AGAP1: variants seen among roughly 807,000 people sequenced by gnomAD.
AGAP1 encodes the protein ArfGAP with GTPase domain, ankyrin repeat and PH domain 1.
A neutral mutation model predicts 105.3 loss-of-function variants in AGAP1; 29 were observed. The ratio of observed to expected loss-of-function variants is 0.28; its 90% CI spans 0.21 to 0.38. The LOEUF (loss-of-function observed/expected upper bound fraction) is 0.38, where lower values mean the gene tolerates loss of function less well. AGAP1 is among the 10% of genes least tolerant of loss of function. The pLI is 1.00. For synonymous variants in AGAP1, 509 were observed against 485.9 expected (o/e 1.05, Z -0.63); for missense variants, 998 against 1,165.1 (o/e 0.86, Z 2.09).
chr2:236,115,320 G>A (rs897021798), intron 16 of AGAP1, among the ~76,000 whole-genome samples: 2 of 150,038 alleles, frequency 1.3e-5, no homozygotes, highest in Admixed American at 6.6e-5. Flanking sequence ...TTGTGTAGAT[G>A]TCACTGTCCT....
At position 235,596,527 on chromosome 2, in the gene AGAP1, G is replaced by A. The variant is rs554568562; in HGVS notation, c.163+101678G>A. 1.3e-5 allele frequency among the ~76,000 whole-genome samples: 2 copies of A among 152,306 alleles called. No individual in the cohort carries two copies. The highest frequency in any genetic ancestry group is 2.1e-4 in the South Asian group (1 of 4,824). ...TCTGGTGAGCCACAGGTAGCACCCC[G>A]GCTGCTGGTCCCTGGTCTGGGGAAA... On this transcript the variant is annotated intron_variant, in intron 1 of 17. Coordinates refer to ENST00000304032, the MANE Select transcript of AGAP1 (RefSeq NM_001037131.3). The surrounding 1 kb of genome is among the most constrained non-coding windows in gnomAD (Gnocchi z 5.9).
chr2:235,849,595 C>T (rs776675618), intron 9 of AGAP1, among the ~76,000 whole-genome samples: 174 of 152,302 alleles, frequency 1.1e-3, no homozygotes, highest in Non-Finnish European at 1.5e-3. Flanking sequence ...TATGCCTGTA[C>T]GCTCAGAGCT....
At chr2:235,630,376 A>G (rs1216503401) in intron 1 of AGAP1, among the ~76,000 whole-genome samples, 1 of 151,902 alleles carries the variant, frequency 6.6e-6, no homozygotes, top group Non-Finnish European at 1.5e-5. Flanking sequence ...AAGCCCAGCT[A>G]ATTTTTGTAT....
chr2:235,598,044 G>T (rs1353067417), intron 1 of AGAP1, among the ~76,000 whole-genome samples: 2 of 116,532 alleles, frequency 1.7e-5, no homozygotes, highest in East Asian at 2.7e-4. Context: ...GCGTGCACGC[G>T]CTCCCGTGTT....
In AGAP1 at chr2:235,970,112, G is replaced by T. The variant is rs1303867597; in HGVS notation, c.1645+1489G>T. 6.6e-6 allele frequency among the ~76,000 whole-genome samples: 1 copy of T among 151,056 alleles called. No individual in the cohort carries two copies. ...AGCTACCTGAGAGGCTGAGGCAGGA[G>T]CATTGATTGAACCCAGGAGGTGGAG... On this transcript the variant is annotated intron_variant, in intron 13 of 17. Transcript: ENST00000304032. The surrounding 1 kb of genome is among the most constrained non-coding windows in gnomAD (Gnocchi z 5.4).
At position 236,050,245 on chromosome 2, in the gene AGAP1, G is replaced by T. The variant is rs1215611064; in HGVS notation, c.2114+964G>T. 3.9e-5 allele frequency among the ~76,000 whole-genome samples: 6 copies of T among 152,244 alleles called. No homozygotes were observed. Among genetic ancestry groups the T allele is most frequent in the Admixed American group, 3.3e-4 (5 of 15,284 alleles). ...CTGCAGAGCAGTAAGAACGTGAGAAGCGTTCGTGGACTTCAGTTCATTAAC... is the reference window on the plus strand; with the variant it reads ...CTGCAGAGCAGTAAGAACGTGAGAATCGTTCGTGGACTTCAGTTCATTAAC... On this transcript the variant is annotated intron_variant, in intron 16 of 17. Coordinates refer to ENST00000304032, the MANE Select transcript of AGAP1 (RefSeq NM_001037131.3). The surrounding 1 kb of genome is among the most constrained non-coding windows in gnomAD (Gnocchi z 4.0).
rs1950978008 is a variant in AGAP1 at position 235,714,080 on chromosome 2, C to A, written c.223-3477C>A. Reference sequence around the variant, plus strand: ...CCAGGCTGGAGTGCGGTGGTGCAATCTCAGCTCACTGCAACCTCTGCCTCC... The same window carrying A: ...CCAGGCTGGAGTGCGGTGGTGCAATATCAGCTCACTGCAACCTCTGCCTCC... On this transcript the variant is annotated intron_variant, in intron 2 of 17. Coordinates refer to ENST00000304032, the MANE Select transcript of AGAP1 (RefSeq NM_001037131.3). The surrounding 1 kb of genome is among the most constrained non-coding windows in gnomAD (Gnocchi z 4.1). Among the ~76,000 whole-genome samples the A allele has an allele frequency of 6.6e-6, 1 of 152,162 alleles. No homozygotes were observed. Among genetic ancestry groups the A allele is most frequent in the South Asian group, 2.1e-4 (1 of 4,834 alleles).
rs1944973509 is a variant in AGAP1, at chr2:235,582,689, T to C, written c.163+87840T>C. ...AGAAGGAAGGATTTAGCTGCTGGAG[T>C]GATGGCCGAAGGAGCCTGGGAGAAG... On this transcript the variant is annotated intron_variant, in intron 1 of 17. Transcript: ENST00000304032. The surrounding 1 kb of genome is among the most constrained non-coding windows in gnomAD (Gnocchi z 4.7). 1.3e-5 allele frequency among the ~76,000 whole-genome samples: 2 copies of C among 152,106 alleles called. No individual in the cohort carries two copies. Among genetic ancestry groups the C allele is most frequent in the African/African-American group, 4.8e-5 (2 of 41,420 alleles).
intron 1 of AGAP1, among the ~76,000 whole-genome samples, chr2:235,693,471 C>G (rs1378016266): frequency 1.3e-5 from 2 of 152,184 alleles, no homozygotes; most frequent in South Asian, 4.1e-4. Flanking sequence ...ACCTGCACTC[C>G]CAGCAGCCAG....
At chr2:235,534,431 TA>T (rs1350162640) in intron 1 of AGAP1, among the ~76,000 whole-genome samples, 1 of 152,114 alleles carries the variant, frequency 6.6e-6, no homozygotes, top group African/African-American at 2.4e-5. Flanking sequence ...CTAAAAAAAA[TA>T]CAGTGGCACC....
chr2:236,102,162 A>C (rs1285241709), intron 16 of AGAP1, among the ~76,000 whole-genome samples: 3 of 152,028 alleles, frequency 2.0e-5, no homozygotes, highest in African/African-American at 4.8e-5. Context: ...TCACGCCTGT[A>C]ATCCCAGCAC....
chr2:236,003,467 C>A lies in AGAP1; in HGVS notation c.1646-33094C>A, dbSNP rs1576028191. Among the ~76,000 whole-genome samples the A allele has an allele frequency of 6.6e-6, 1 of 152,354 alleles. No individual in the cohort carries two copies. Among genetic ancestry groups the A allele is most frequent in the African/African-American group, 2.4e-5 (1 of 41,588 alleles). On this transcript the variant is annotated intron_variant, in intron 13 of 17. Transcript: ENST00000304032. This position sits in a 1 kb window ranked among gnomAD's most constrained non-coding sequence, Gnocchi z 4.2. Reference sequence around the variant, plus strand: ...CCCACCTCTGTGTGTGGTCGCACGTCCTCCTCATGGCCACGCTGGGATGGA... The same window carrying A: ...CCCACCTCTGTGTGTGGTCGCACGTACTCCTCATGGCCACGCTGGGATGGA...
intron 1 of AGAP1, among the ~76,000 whole-genome samples, chr2:235,589,212 T>TTTG (rs1945246144): frequency 7.8e-6 from 1 of 127,572 alleles, no homozygotes; most frequent in African/African-American, 3.3e-5. Context: ...TTTTTTTTTT[T>TTTG]TTTTTTTTTT....
In AGAP1 at chr2:236,038,739, G is replaced by C. The variant is rs1262064651; in HGVS notation, c.1801-2012G>C. Among the ~76,000 whole-genome samples, 1 of 151,972 alleles carries C rather than the reference G, an allele frequency of 6.6e-6. No homozygotes were observed. The highest frequency in any genetic ancestry group is 1.5e-5 in the Non-Finnish European group (1 of 68,020). ...TAATTGAGAGCTGATACAGGTATAG[G>C]CATAGCTAGACAGACAGACAAACCA... On this transcript the variant is annotated intron_variant, in intron 14 of 17. Transcript: ENST00000304032. The surrounding 1 kb of genome is among the most constrained non-coding windows in gnomAD (Gnocchi z 4.5).
In AGAP1 at chr2:235,961,505, C is replaced by T. The variant is rs187433309; in HGVS notation, c.1484-6957C>T. On this transcript the variant is annotated intron_variant, in intron 12 of 17. Transcript: ENST00000304032. This position sits in a 1 kb window ranked among gnomAD's most constrained non-coding sequence, Gnocchi z 5.9. ...TGAGCGGGACTGGAGTGAGGCCAGC[C>T]GTGGACAGCAGTGCAGAGGGACAGG... Among the ~76,000 whole-genome samples the T allele has an allele frequency of 5.5e-4, 83 of 152,280 alleles. No homozygotes were observed. The highest frequency in any genetic ancestry group is 1.9e-3 in the African/African-American group (79 of 41,558).
intron 1 of AGAP1, among the ~76,000 whole-genome samples, chr2:235,591,288 C>G (rs1355023341): frequency 6.6e-6 from 1 of 151,924 alleles, no homozygotes; most frequent in Non-Finnish European, 1.5e-5. Context: ...ACTGTTGGGA[C>G]TGCAGGCGTG....
chr2:235,862,467 G>A (rs997951526), intron 9 of AGAP1, among the ~76,000 whole-genome samples: 4 of 152,158 alleles, frequency 2.6e-5, no homozygotes, highest in Non-Finnish European at 4.4e-5. Flanking sequence ...TTCCATGCCC[G>A]TTCTCATCCG....
rs1944765029 is a variant in AGAP1 at position 235,577,293 on chromosome 2, C to G, written c.163+82444C>G. 6.6e-6 allele frequency among the ~76,000 whole-genome samples: 1 copy of G among 152,178 alleles called. No homozygotes were observed. Among genetic ancestry groups the G allele is most frequent in the Admixed American group, 6.5e-5 (1 of 15,286 alleles). On this transcript the variant is annotated intron_variant, in intron 1 of 17. Transcript: ENST00000304032. The surrounding 1 kb of genome is among the most constrained non-coding windows in gnomAD (Gnocchi z 4.5). ...GCTATAATCCTGTTTGGTACTGATG[C>G]TTTGGGTGGTGCTGTGTAATGTTCA...
At chr2:235,669,614 A>T (rs112255803) in intron 1 of AGAP1, 1 of 142,908 alleles carries the variant, frequency 7.0e-6, no homozygotes, top group African/African-American at 2.6e-5. Flanking sequence ...GCGCGTTTCC[A>T]TTTTAAACCG....
Sources: allele counts gnomAD v4.1 joint callset (sites outside exome capture counted in the v4.1 genomes callset), GRCh38; gene constraint gnomAD v4.1.1; non-coding constraint Gnocchi (gnomAD v3.1); transcripts MANE v1.5; gene names NCBI Gene and HGNC (gene_info 2026-07-23, HGNC 2026-07-21).